TNS1: variants seen among roughly 807,000 people sequenced by gnomAD.
The protein encoded by TNS1 is tensin-1.
TNS1 carries 62 observed loss-of-function variants against 168.6 expected under a neutral mutation model. That is an observed-to-expected ratio of 0.37 (90% CI 0.30 to 0.45). TNS1 has a LOEUF of 0.45. Ranked by LOEUF, TNS1 falls within the 20% of genes least tolerant of loss-of-function variation. The pLI is 1.00. For synonymous variants in TNS1, 934 were observed against 933.2 expected (o/e 1.00, Z -0.02); for missense variants, 2,240 against 2,339.4 (o/e 0.96, Z 0.88).
intron 3 of TNS1, among the ~76,000 whole-genome samples, chr2:217,978,014 T>C (rs1957937272): frequency 1.3e-5 from 2 of 152,080 alleles, no homozygotes. Context: ...TCATAATCCA[T>C]CTTGGTGCCA....
In TNS1 at chr2:217,991,047, G is replaced by C. The variant is rs963461454; in HGVS notation, c.43C>G (p.Leu15Val). 7.4e-6 allele frequency: 5 copies of C among 678,764 alleles called. No individual in the cohort carries two copies. Among genetic ancestry groups the C allele is most frequent in the Non-Finnish European group, 1.4e-5 (5 of 367,802 alleles). The allele number at this position is 678,764 out of a possible 1,614,324, so 42.0% of individuals were successfully genotyped here. ...AAGCGGTGTGTCTTGGGGGCCTCCA[G>C]ATCCTCTGGCTGTGGGAGGAGAGGC... ...CLSCMLWPED[L>V]EAPKTHRFKV... The change falls in exon 2 of 33, where the codon CTG (leucine) becomes GTG (valine). Residue 15 changes from leucine (L) to valine (V), a missense_variant. Physicochemically the swap from Leu to Val is conservative, Grantham distance 32. Transcript: ENST00000682258.
chr2:218,010,326 C>G (rs931988019), exon 1 of TNS1: 2 of 395,898 alleles, frequency 5.1e-6, no homozygotes, highest in Non-Finnish European at 8.9e-6. Context: ...CCGGGTCTCC[C>G]GGAGGCTCAG....
intron 1 of TNS1, among the ~76,000 whole-genome samples, chr2:217,992,946 A>G (rs1198797584): frequency 3.9e-5 from 6 of 152,222 alleles, no homozygotes. Flanking sequence ...AGTCATCGCC[A>G]CATAATGACA....
At chr2:217,919,608 G>T (rs1955509859) in intron 4 of TNS1, among the ~76,000 whole-genome samples, 1 of 152,362 alleles carries the variant, frequency 6.6e-6, no homozygotes, top group East Asian at 1.9e-4. Flanking sequence ...CTGGCATCAG[G>T]GTGGAGCAGG....
intron 3 of TNS1, among the ~76,000 whole-genome samples, chr2:217,960,918 C>A (rs1266131126): frequency 6.6e-6 from 1 of 152,176 alleles, no homozygotes; most frequent in Admixed American, 6.5e-5. Flanking sequence ...CCACTCTGAG[C>A]CTCAGTTTCT....
intron 12 of TNS1, chr2:217,890,219 C>G (rs1326712196): frequency 6.6e-6 from 1 of 152,272 alleles, no homozygotes; most frequent in African/African-American, 2.4e-5. Flanking sequence ...CTGACCATCC[C>G]TATTAAAAGA....
chr2:217,849,758 A>T, intron 18 of TNS1: 1 of 985,426 alleles, frequency 1.0e-6, no homozygotes, highest in Non-Finnish European at 1.2e-6. Context: ...ATGCCCATAG[A>T]GGTATCAGCA....
intron 3 of TNS1, among the ~76,000 whole-genome samples, chr2:217,946,716 A>G (rs1957113958): frequency 6.6e-6 from 1 of 151,806 alleles, no homozygotes; most frequent in African/African-American, 2.4e-5. Context: ...TGGAGGTTAC[A>G]CTATCCATCC....
rs770204471 is a variant in TNS1 at position 217,848,190 on chromosome 2, T to TGCTGCC, written c.2326_2327insGGCAGC (p.Trp775_Gln776insArgGln). ...CTGCTGCTGCTGCTGCTGCTGCTGC[T>TGCTGCC]GCCACGAATTCAGTCCCCTTTGCAC... On this transcript the variant is annotated inframe_insertion, in exon 19 of 33. Transcript: ENST00000682258. The TGCTGCC allele has an allele frequency of 1.2e-6, 2 of 1,602,594 alleles. No individual in the cohort carries two copies. The highest frequency in any genetic ancestry group is 4.5e-5 in the East Asian group (2 of 44,834).
At chr2:218,019,199 G>A (rs1357018385) in intron 1 of TNS1, among the ~76,000 whole-genome samples, 5 of 152,208 alleles carry the variant, frequency 3.3e-5, no homozygotes, top group African/African-American at 7.2e-5. Context: ...TGAAGGCTGG[G>A]ACCCTATAGA....
intron 3 of TNS1, among the ~76,000 whole-genome samples, chr2:217,920,747 G>A (rs1285062408): frequency 1.3e-5 from 2 of 152,058 alleles, no homozygotes; most frequent in African/African-American, 4.8e-5. Flanking sequence ...ACCAGCTCTG[G>A]CACTTTCCCG....
chr2:217,885,913 AGTGG>A (rs1951155616), intron 14 of TNS1, 94 bp from the exon 15 acceptor site: 3 of 1,550,652 alleles, frequency 1.9e-6, no homozygotes, highest in Non-Finnish European at 2.7e-6. Context: ...CCACAGGGTT[AGTGG>A]GAAACCTCTC....
chr2:217,947,322 C>T (rs1266378497), intron 3 of TNS1, among the ~76,000 whole-genome samples: 1 of 151,906 alleles, frequency 6.6e-6, no homozygotes, highest in African/African-American at 2.4e-5. Context: ...GGTGGGGGAG[C>T]AAGAAAAGAA....
intron 18 of TNS1, among the ~76,000 whole-genome samples, chr2:217,878,698 G>A (rs367647639): frequency 1.3e-5 from 2 of 152,120 alleles, no homozygotes; most frequent in African/African-American, 4.8e-5. Context: ...CTGCCCACAA[G>A]GGGCTCAAAA....
chr2:217,932,386 C>T (rs915423475), intron 3 of TNS1, among the ~76,000 whole-genome samples: 3 of 152,214 alleles, frequency 2.0e-5, no homozygotes, highest in African/African-American at 7.2e-5. Context: ...ATCATCTTTG[C>T]AGAGTGGCTG....
intron 5 of TNS1, 76 bp downstream of exon 5, chr2:217,907,134 T>C (rs1283807360): frequency 4.3e-6 from 3 of 694,232 alleles, no homozygotes; most frequent in Admixed American, 2.0e-5. Flanking sequence ...CTCCCCCAAA[T>C]CCACTCTCCA....
chr2:218,000,372 G>A (rs112239215), intron 1 of TNS1, among the ~76,000 whole-genome samples: 1 of 152,168 alleles, frequency 6.6e-6, no homozygotes, highest in Admixed American at 6.5e-5. Flanking sequence ...TCCCTGGGCA[G>A]TCAGCCCAGG....
intron 1 of TNS1, among the ~76,000 whole-genome samples, chr2:217,994,786 T>C (rs917773572): frequency 6.6e-6 from 1 of 152,224 alleles, no homozygotes; most frequent in African/African-American, 2.4e-5. Flanking sequence ...TTCAGGTCCA[T>C]CTCTGCCCTT....
chr2:217,835,263 C>G, intron 20 of TNS1, 97 bp from the exon 21 acceptor site: 1 of 1,112,858 alleles, frequency 9.0e-7, no homozygotes, highest in South Asian at 1.5e-5. Context: ...AGTTAACCAG[C>G]CCCCACATCC....
Sources: gnomAD v4.1 joint callset for allele counts (sites outside exome capture counted in the v4.1 genomes callset) on GRCh38, gnomAD v4.1.1 for gene constraint, MANE v1.5 for transcripts, NCBI Gene and HGNC (gene_info 2026-07-23, HGNC 2026-07-21) for gene names.